Variants in KIF1B observed in about 807,000 individuals in gnomAD.
KIF1B encodes kinesin-like protein KIF1B.
A neutral mutation model predicts 241.9 loss-of-function variants in KIF1B; 76 were observed. The observed-to-expected ratio is 0.31, with a 90% CI of 0.26 to 0.38. The LOEUF is 0.38. Among genes scored for constraint, KIF1B ranks in the 10% least tolerant of loss-of-function variants. The probability of loss-of-function intolerance (pLI) is 1.00; values close to 1 mark genes in which losing one functional copy is unlikely to be tolerated. For missense variants in KIF1B, 1,622 were observed against 2,271.4 expected (o/e 0.71, Z 5.81); for synonymous variants, 750 against 796.7 (o/e 0.94, Z 0.99).
chr1:10,359,986 T>A (rs1399194123), intron 38 of KIF1B, among the ~76,000 whole-genome samples: 1 of 151,992 alleles, frequency 6.6e-6, no homozygotes, highest in Non-Finnish European at 1.5e-5. Context: ...TGAGCTGAGA[T>A]TGCGCCACTG....
In KIF1B at chr1:10,326,381, AAGGCG is replaced by A; in HGVS notation, c.2924+24_2924+28del. On this transcript the variant is annotated intron_variant, in intron 27 of 48. Coordinates refer to ENST00000676179, the MANE Select transcript of KIF1B (RefSeq NM_001365951.3). This position sits in a 1 kb window ranked among gnomAD's most constrained non-coding sequence, Gnocchi z 5.2. ...GAAGGTTGGTGAGGTTATTGTGAGA[AAGGCG>A]AAAAGGGACCAGCTCTTGCTCTGAA... 6.2e-7 allele frequency: 1 copy of A among 1,613,902 alleles called. No individual in the cohort carries two copies. Among genetic ancestry groups the A allele is most frequent in the Non-Finnish European group, 8.5e-7 (1 of 1,180,022 alleles).
At chr1:10,273,200 T>C (rs1203199293) in intron 10 of KIF1B, among the ~76,000 whole-genome samples, 169 bp downstream of exon 10, 4 of 152,226 alleles carry the variant, frequency 2.6e-5, no homozygotes, top group Admixed American at 1.3e-4. Flanking sequence ...CCACAAATCA[T>C]GAGGTTTCAC....
At chr1:10,323,645 T>A (rs1010218947) in intron 24 of KIF1B, among the ~76,000 whole-genome samples, 3 of 152,098 alleles carry the variant, frequency 2.0e-5, no homozygotes, top group Non-Finnish European at 4.4e-5. Context: ...TCAAGAAGAT[T>A]TTCGTATGTG....
At chr1:10,329,793 G>C (rs1203473369) in intron 27 of KIF1B, among the ~76,000 whole-genome samples, 3 of 152,154 alleles carry the variant, frequency 2.0e-5, no homozygotes, top group Non-Finnish European at 4.4e-5. Flanking sequence ...TTTTAGCCAT[G>C]ACTGCCTCTG....
chr1:10,223,382 A>G (rs1386546399), intron 1 of KIF1B, among the ~76,000 whole-genome samples: 1 of 152,124 alleles, frequency 6.6e-6, no homozygotes, highest in Non-Finnish European at 1.5e-5. Context: ...TTTTGAAACT[A>G]AGTCTTTGAT....
At chr1:10,296,518 G>A in intron 19 of KIF1B, 64 bp from the exon 20 acceptor site, 1 of 1,358,058 alleles carries the variant, frequency 7.4e-7, no homozygotes, top group Non-Finnish European at 1.0e-6. Context: ...ATAAGCAACT[G>A]CTTTCCATTA....
intron 1 of KIF1B, among the ~76,000 whole-genome samples, chr1:10,220,482 GA>G (rs1426358887): frequency 1.3e-5 from 2 of 151,998 alleles, no homozygotes; most frequent in African/African-American, 2.4e-5. Flanking sequence ...GTAAAAGGAA[GA>G]AATGTTCTTC....
chr1:10,321,723 C>G lies in KIF1B; in HGVS notation c.2224C>G (p.His742Asp). The G allele has an allele frequency of 1.2e-6, 2 of 1,614,070 alleles. No individual in the cohort carries two copies. The highest frequency in any genetic ancestry group is 8.5e-7 in the Non-Finnish European group (1 of 1,179,926). Residue 742 changes from histidine to aspartate, a missense_variant, in exon 24 of 49, where the codon CAT becomes GAT. By Grantham distance (81) the His-to-Asp change is moderately conservative. Transcript: ENST00000676179. ...CATTCTTTCAGTTCCTTGGACACAG[C>G]ATGAATTTGAGTTGGCCCAATGGGC... The part of the protein sequence containing the change: ...EEEEEVPWTQ[H>D]EFELAQWAFR...
intron 1 of KIF1B, among the ~76,000 whole-genome samples, chr1:10,226,269 G>T (rs1002147611): frequency 1.3e-5 from 2 of 152,164 alleles, no homozygotes; most frequent in Non-Finnish European, 2.9e-5. Context: ...ATTGTTTTGG[G>T]GATAGAGGTT....
intron 17 of KIF1B, among the ~76,000 whole-genome samples, chr1:10,294,339 C>A (rs1198705530): frequency 6.6e-6 from 1 of 151,912 alleles, no homozygotes; most frequent in Non-Finnish European, 1.5e-5. Context: ...AAATTAAAAT[C>A]TTTTAAGGTA....
At chr1:10,237,833 C>T (rs1647077622) in intron 2 of KIF1B, among the ~76,000 whole-genome samples, 1 of 151,616 alleles carries the variant, frequency 6.6e-6, no homozygotes, top group South Asian at 2.1e-4. Context: ...ATGGCGAAAC[C>T]CTGTCTCTAC....
At chr1:10,214,528 T>C (rs1338948808) in intron 1 of KIF1B, among the ~76,000 whole-genome samples, 12 of 151,284 alleles carry the variant, frequency 7.9e-5, no homozygotes, top group African/African-American at 2.9e-4. Context: ...GACCTTCTGA[T>C]CCGCCTGCCT....
At position 10,342,148 on chromosome 1, in the gene KIF1B, G is replaced by T. The variant is rs759149212; in HGVS notation, c.3612G>T (p.Leu1204=). 7.5e-6 allele frequency: 12 copies of T among 1,609,030 alleles called. No individual in the cohort carries two copies. Among genetic ancestry groups the T allele is most frequent in the African/African-American group, 2.7e-5 (2 of 74,784 alleles). The change falls in exon 33 of 49, where the codon CTG becomes CTT. Residue 1204 remains leucine (L), a synonymous_variant. Coordinates refer to ENST00000676179, the MANE Select transcript of KIF1B (RefSeq NM_001365951.3). ...FGHYQQHPLH[L]QGQELNSPPQ... is the part of the protein sequence containing the mutation. ...ATTATCAGCAGCACCCACTTCATCT[G>T]CAAGGACAGGAGCTTAACAGGTTTG... is the stretch of plus-strand genomic sequence containing the variant.
At chr1:10,323,585 G>T (rs1651606917) in intron 24 of KIF1B, among the ~76,000 whole-genome samples, 2 of 152,156 alleles carry the variant, frequency 1.3e-5, no homozygotes, top group Admixed American at 1.3e-4. Flanking sequence ...TTGCATCACT[G>T]CACCCAGCCT....
In KIF1B at chr1:10,342,181, T is replaced by A. The variant is rs1202401425; in HGVS notation, c.3632+13T>A. 1 of 1,479,300 alleles carries A rather than the reference T, an allele frequency of 6.8e-7. No individual in the cohort carries two copies. Among genetic ancestry groups the A allele is most frequent in the Non-Finnish European group, 9.5e-7 (1 of 1,056,894 alleles). 91.6% of individuals were successfully genotyped at this position (1,479,300 alleles called of 1,614,324 possible). On this transcript the variant is annotated intron_variant, in intron 33 of 48. Transcript: ENST00000676179. Reference sequence around the variant, plus strand: ...AGGAGCTTAACAGGTTTGGACCAGATAAGCAAACATTTTTGATGGTATTGT... The same window carrying A: ...AGGAGCTTAACAGGTTTGGACCAGAAAAGCAAACATTTTTGATGGTATTGT...
At position 10,304,068 on chromosome 1, in the gene KIF1B, C is replaced by T. The variant is rs772588106; in HGVS notation, c.2115+6822C>T. ...CTGAGAACCGGAAGCCCCGCTTCCCCTTTAAGAGCAACCCTAAACACAGAA... is the reference window on the plus strand; with the variant it reads ...CTGAGAACCGGAAGCCCCGCTTCCCTTTTAAGAGCAACCCTAAACACAGAA... On this transcript the variant is annotated intron_variant, in intron 22 of 48. Transcript: ENST00000676179. The T allele has an allele frequency of 6.2e-6, 10 of 1,612,362 alleles. No individual in the cohort carries two copies. The South Asian group carries it at 6.6e-5, about 11-fold the overall frequency.
At chr1:10,314,592 G>C (rs1651221665) in intron 22 of KIF1B, among the ~76,000 whole-genome samples, 1 of 151,196 alleles carries the variant, frequency 6.6e-6, no homozygotes, top group South Asian at 2.1e-4. Flanking sequence ...GCTAATTTTT[G>C]TGTTTTTAGC....
intron 1 of KIF1B, among the ~76,000 whole-genome samples, chr1:10,220,218 A>T (rs1646823777): frequency 6.6e-6 from 1 of 151,648 alleles, no homozygotes; most frequent in African/African-American, 2.4e-5. Flanking sequence ...AAAAAAAAAA[A>T]AAATTAGGTA....
rs969037885 is a variant in KIF1B, at chr1:10,379,805, G to A, written c.*3218G>A. On this transcript the variant is annotated 3_prime_UTR_variant, in exon 49 of 49. Coordinates refer to ENST00000676179, the MANE Select transcript of KIF1B (RefSeq NM_001365951.3). The stretch of plus-strand genomic sequence containing the variant: ...GTGCTCAGACCCTCTCTGTGTCTGT[G>A]TGCCCTCCTGGGAGTCAGTCAGCGC... 1 of 230,220 alleles carries A rather than the reference G, an allele frequency of 4.3e-6. No individual in the cohort carries two copies. Among genetic ancestry groups the A allele is most frequent in the Non-Finnish European group, 8.6e-6 (1 of 116,206 alleles). 14.3% of individuals were successfully genotyped at this position (230,220 alleles called of 1,614,324 possible). A position where few individuals can be genotyped will look rare whatever the true frequency, so the allele number is the denominator to read the frequency against.
Sources: gnomAD v4.1 joint callset for allele counts (sites outside exome capture counted in the v4.1 genomes callset) on GRCh38, gnomAD v4.1.1 for gene constraint, Gnocchi (gnomAD v3.1) non-coding constraint, MANE v1.5 for transcripts, NCBI Gene and HGNC (gene_info 2026-07-23, HGNC 2026-07-21) for gene names.